Variants in SORCS3 observed in about 807,000 individuals in gnomAD.
SORCS3 encodes the protein sortilin related VPS10 domain containing receptor 3, also known as VPS10 domain-containing receptor SorCS3.
In SORCS3, 57 loss-of-function variants were observed where a neutral mutation model predicts 146.3. That is an observed-to-expected ratio of 0.39 (90% CI 0.31 to 0.49). The LOEUF (loss-of-function observed/expected upper bound fraction) is 0.49, where lower values mean the gene tolerates loss of function less well. Ranked by LOEUF, SORCS3 falls within the 20% of genes least tolerant of loss-of-function variation. The probability of loss-of-function intolerance (pLI) is 0.92; values close to 1 mark genes in which losing one functional copy is unlikely to be tolerated. For synonymous variants in SORCS3, 653 were observed against 618.5 expected (o/e 1.06, Z -0.83); for missense variants, 1,341 against 1,575.5 (o/e 0.85, Z 2.52).
At chr10:104,687,660 A>G (rs893085656) in intron 1 of SORCS3, among the ~76,000 whole-genome samples, 3 of 152,124 alleles carry the variant, frequency 2.0e-5, no homozygotes, top group Non-Finnish European at 4.4e-5. Context: ...CTGAAGGGCA[A>G]TAATTTGAGC....
chr10:104,758,318 T>G (rs1039364429), intron 1 of SORCS3, among the ~76,000 whole-genome samples: 5 of 152,222 alleles, frequency 3.3e-5, no homozygotes, highest in African/African-American at 4.8e-5. Context: ...TCCTGGACTT[T>G]ATTTTTGCAG....
chr10:105,171,149 A>T (rs1413286143), intron 13 of SORCS3, among the ~76,000 whole-genome samples: 1 of 152,182 alleles, frequency 6.6e-6, no homozygotes, highest in Non-Finnish European at 1.5e-5. Flanking sequence ...AAATAAGAGT[A>T]ATAATTGAAA....
In SORCS3 at chr10:105,139,384, C is replaced by T. The variant is rs1288847294; in HGVS notation, c.1213-13C>T. The T allele has an allele frequency of 1.9e-6, 3 of 1,603,502 alleles. No individual in the cohort carries two copies. Among genetic ancestry groups the T allele is most frequent in the Non-Finnish European group, 2.6e-6 (3 of 1,170,448 alleles). On this transcript the variant is annotated splice_polypyrimidine_tract_variant and intron_variant, in intron 7 of 26. Coordinates refer to ENST00000369701, the MANE Select transcript of SORCS3 (RefSeq NM_014978.3). Reference sequence around the variant, plus strand: ...GCCTCATCTGATCTCTTTGTGTTTCCCCCACAATCTAGGTAACAACTAGTG... The same window carrying T: ...GCCTCATCTGATCTCTTTGTGTTTCTCCCACAATCTAGGTAACAACTAGTG...
chr10:104,958,993 G>A lies in SORCS3; in HGVS notation c.796-18342G>A, dbSNP rs574480383. On this transcript the variant is annotated intron_variant, in intron 3 of 26. Coordinates refer to ENST00000369701, the MANE Select transcript of SORCS3 (RefSeq NM_014978.3). ...CCACCAGGTTCCTCCATGAACACGTGGGGATTACAATTTGAGATGAGATTT... is the reference window on the plus strand; with the variant it reads ...CCACCAGGTTCCTCCATGAACACGTAGGGATTACAATTTGAGATGAGATTT... Among the ~76,000 whole-genome samples, 17 of 152,186 alleles carry A rather than the reference G, an allele frequency of 1.1e-4. No individual in the cohort carries two copies. In the South Asian group the frequency reaches 3.5e-3, roughly 32 times the overall value.
At chr10:105,062,186 CA>C (rs2133719017) in intron 5 of SORCS3, among the ~76,000 whole-genome samples, 1 of 152,306 alleles carries the variant, frequency 6.6e-6, no homozygotes, top group East Asian at 1.9e-4. Context: ...TATGTGATGT[CA>C]AGCAATGTGC....
intron 20 of SORCS3, among the ~76,000 whole-genome samples, chr10:105,237,806 G>C (rs961488686): frequency 6.6e-6 from 1 of 152,172 alleles, no homozygotes; most frequent in Non-Finnish European, 1.5e-5. Flanking sequence ...CATCACTGAT[G>C]AAATAGAAAT....
intron 22 of SORCS3, among the ~76,000 whole-genome samples, chr10:105,251,827 G>A (rs1438288722): frequency 6.6e-6 from 1 of 152,116 alleles, no homozygotes; most frequent in East Asian, 1.9e-4. Context: ...CTCAGGAATA[G>A]AAAAATTCAC....
intron 7 of SORCS3, among the ~76,000 whole-genome samples, chr10:105,136,482 G>T (rs1286363329): frequency 1.3e-5 from 2 of 152,144 alleles, no homozygotes; most frequent in Non-Finnish European, 2.9e-5. Context: ...TCAAACCACA[G>T]AACCAGCATT....
chr10:104,645,316 A>G (rs567162762), intron 1 of SORCS3, among the ~76,000 whole-genome samples: 2 of 152,336 alleles, frequency 1.3e-5, no homozygotes, highest in African/African-American at 2.4e-5. Context: ...ACAGGGAAAC[A>G]GAAAAACACA....
At chr10:105,239,240 C>T (rs1254712874) in intron 20 of SORCS3, among the ~76,000 whole-genome samples, 2 of 152,144 alleles carry the variant, frequency 1.3e-5, no homozygotes, top group African/African-American at 4.8e-5. Flanking sequence ...AGCCTTTGTA[C>T]CTCATATGAT....
intron 2 of SORCS3, among the ~76,000 whole-genome samples, chr10:104,862,363 G>A (rs1482302355): frequency 6.6e-6 from 1 of 152,214 alleles, no homozygotes; most frequent in African/African-American, 2.4e-5. Flanking sequence ...GGAGGTGGCA[G>A]AGGACAAGCC....
chr10:104,779,570 C>T (rs551658478), intron 1 of SORCS3, among the ~76,000 whole-genome samples: 9 of 152,296 alleles, frequency 5.9e-5, no homozygotes, highest in South Asian at 2.1e-4. Context: ...TGAAGGCTGC[C>T]GGCCCCTGAA....
intron 5 of SORCS3, among the ~76,000 whole-genome samples, chr10:105,052,992 A>G (rs2055423268): frequency 6.6e-6 from 1 of 152,112 alleles, no homozygotes; most frequent in Admixed American, 6.6e-5. Flanking sequence ...CAGTTCTGGA[A>G]TCTGGAAGTG....
intron 1 of SORCS3, among the ~76,000 whole-genome samples, chr10:104,734,430 T>C (rs2016745085): frequency 6.6e-6 from 1 of 152,174 alleles, no homozygotes; most frequent in Admixed American, 6.5e-5. Flanking sequence ...CTTTTGTAAT[T>C]TGGCTGAGAG....
chr10:105,036,885 A>C (rs2055309779), intron 4 of SORCS3, among the ~76,000 whole-genome samples: 1 of 152,200 alleles, frequency 6.6e-6, no homozygotes, highest in Admixed American at 6.5e-5. Flanking sequence ...ATACAGCAGA[A>C]TGCTACCTAA....
intron 5 of SORCS3, among the ~76,000 whole-genome samples, chr10:105,064,931 G>A (rs1424123871): frequency 6.6e-6 from 1 of 152,138 alleles, no homozygotes; most frequent in African/African-American, 2.4e-5. Flanking sequence ...GTATTCCTTA[G>A]TCCAATCAAG....
chr10:105,174,518 T>C (rs188892191), intron 13 of SORCS3, among the ~76,000 whole-genome samples: 1 of 152,286 alleles, frequency 6.6e-6, no homozygotes, highest in Admixed American at 6.5e-5. Context: ...GATTAAGTTT[T>C]CTAATGTTAT....
At chr10:105,172,703 T>C (rs1215293317) in intron 13 of SORCS3, among the ~76,000 whole-genome samples, 1 of 152,224 alleles carries the variant, frequency 6.6e-6, no homozygotes. Context: ...CTTTTTACCT[T>C]TAATTACTCT....
intron 8 of SORCS3, among the ~76,000 whole-genome samples, chr10:105,143,393 C>G (rs1032786085): frequency 6.6e-6 from 1 of 152,092 alleles, no homozygotes; most frequent in East Asian, 1.9e-4. Context: ...ATCTACAACC[C>G]CAGCCCATAT....
Sources: gnomAD v4.1 joint callset for allele counts (sites outside exome capture counted in the v4.1 genomes callset) on GRCh38, gnomAD v4.1.1 for gene constraint, MANE v1.5 for transcripts, NCBI Gene and HGNC (gene_info 2026-07-23, HGNC 2026-07-21) for gene names.